Variants in NOTCH1 observed in about 807,000 individuals in gnomAD.
NOTCH1 encodes neurogenic locus notch homolog protein 1.
Under a neutral mutation model 254.8 loss-of-function variants are expected in NOTCH1, and 37 were observed. The observed-to-expected ratio is 0.15, with a 90% confidence interval of 0.11 to 0.19. NOTCH1 has a LOEUF of 0.19. NOTCH1 is among the 10% of genes least tolerant of loss of function. The pLI, the probability that NOTCH1 is intolerant of heterozygous loss-of-function variation, is 1.00. For missense variants in NOTCH1, 2,972 were observed against 3,708.6 expected (o/e 0.80, Z 5.16); for synonymous variants, 1,731 against 1,618.1 (o/e 1.07, Z -1.68).
intron 2 of NOTCH1, among the ~76,000 whole-genome samples, chr9:136,539,444 A>C (rs1450376764): frequency 1.3e-5 from 2 of 152,170 alleles, no homozygotes; most frequent in South Asian, 4.1e-4. Flanking sequence ...GCTGGAGTGC[A>C]GTGGCACGAT....
chr9:136,515,791 G>A, intron 10 of NOTCH1, 75 bp from the exon 11 acceptor site: 2 of 1,398,952 alleles, frequency 1.4e-6, no homozygotes, highest in Non-Finnish European at 1.9e-6. Context: ...CAGACCTGGG[G>A]TCACCTGTGC....
intron 4 of NOTCH1, among the ~76,000 whole-genome samples, chr9:136,521,977 CT>C (rs60668167): frequency 0.012 from 1,698 of 141,024 alleles, 21 homozygotes; most frequent in African/African-American, 0.034. Flanking sequence ...TTTCTCTTCA[CT>C]TTTTTTTTTT....
At position 136,504,547 on chromosome 9, in the gene NOTCH1, G is replaced by C. The variant is rs568642923; in HGVS notation, c.5018+126C>G. 3.7e-6 allele frequency: 4 copies of C among 1,085,252 alleles called. No individual in the cohort carries two copies. In the East Asian group the frequency reaches 1.1e-4, roughly 29 times the overall value. 67.2% of individuals were successfully genotyped at this position (1,085,252 alleles called of 1,614,324 possible). A position where few individuals can be genotyped will look rare whatever the true frequency, so the allele number is the denominator to read the frequency against. On this transcript the variant is annotated intron_variant, in intron 26 of 33. Transcript: ENST00000651671. ...AGTCCCAGGTCCTCTCGGAACCTCC[G>C]TCTCTTTTACCATAAAGTGGGGAGA... is the stretch of plus-strand genomic sequence containing the variant.
chr9:136,496,832 T>G lies in NOTCH1; in HGVS notation c.6907A>C (p.Ser2303Arg). ...ALNFTVGGST[S>R]LNGQCEWLSR... ...AGCCACTCGCATTGACCATTCAAAC[T>G]GGTGGACCCGCCCACAGTGAAATTC... Residue 2303 changes from serine to arginine, a missense_variant, in exon 34 of 34, where the codon AGT becomes CGT. This residue lies in a region of NOTCH1 where 529 missense variants were observed against 529.2 expected (regional missense o/e 1.00). Transcript: ENST00000651671. 6.2e-7 allele frequency: 1 copy of G among 1,612,928 alleles called. No individual in the cohort carries two copies. Among genetic ancestry groups the G allele is most frequent in the Non-Finnish European group, 8.5e-7 (1 of 1,179,996 alleles).
At chr9:136,507,044 CG>C in intron 22 of NOTCH1, 71 bp from the exon 23 acceptor site, 2 of 1,566,120 alleles carry the variant, frequency 1.3e-6, no homozygotes, top group Non-Finnish European at 1.7e-6. Flanking sequence ...GTGTCCGTCC[CG>C]GAAGACGAGC....
chr9:136,504,583 C>T, intron 26 of NOTCH1, 90 bp downstream of exon 26: 6 of 1,337,778 alleles, frequency 4.5e-6, no homozygotes, highest in Non-Finnish European at 5.0e-6. Context: ...GTACTGCTTG[C>T]CATGGCGCCG....
chr9:136,506,923 C>T lies in NOTCH1; in HGVS notation c.3694G>A (p.Val1232Met), dbSNP rs750169914. ...VDDCNPPVDPVSRSPKCFNNG... is the reference protein window; with the variant it reads ...VDDCNPPVDPMSRSPKCFNNG... ...TTAAAGCACTTGGGGCTCCGGGACA[C>T]GGGGTCAACGGGGGGATTGCAGTCG... Residue 1232 changes from valine (V) to methionine (M), a missense_variant, in exon 23 of 34, where the codon GTG becomes ATG. Around this residue, in one of 8 missense-constraint regions of NOTCH1, gnomAD observed 1,343 missense variants for 1,557.0 expected, o/e 0.86. Coordinates refer to ENST00000651671, the MANE Select transcript of NOTCH1 (RefSeq NM_017617.5). The surrounding 1 kb of genome is among the most constrained non-coding windows in gnomAD (Gnocchi z 4.5). 79 of 1,611,236 alleles carry T rather than the reference C, an allele frequency of 4.9e-5. 1 individual carries two copies. The highest frequency in any genetic ancestry group is 2.1e-4 in the South Asian group (19 of 90,858).
At chr9:136,499,311 C>T (rs1383004999) in intron 31 of NOTCH1, 52 bp from the exon 32 acceptor site, 11 of 1,601,138 alleles carry the variant, frequency 6.9e-6, no homozygotes, top group African/African-American at 2.7e-5. Context: ...TACACCGATG[C>T]CTCCTGCCCA....
Position 136,495,007 on chromosome 9 carries a change from C to T in NOTCH1, c.*1064G>A, listed in dbSNP as rs925980783. 1 of 398,950 alleles carries T rather than the reference C, an allele frequency of 2.5e-6. No individual in the cohort carries two copies. Among genetic ancestry groups the T allele is most frequent in the Non-Finnish European group, 4.4e-6 (1 of 226,044 alleles). The allele number at this position is 398,950 out of a possible 1,614,324, so 24.7% of individuals were successfully genotyped here. ...GCGTTGCACAGCTCAATGTGCCCGGCTCTGGCAAGTCTCCTACAAAACACG... is the reference window on the plus strand; with the variant it reads ...GCGTTGCACAGCTCAATGTGCCCGGTTCTGGCAAGTCTCCTACAAAACACG... On this transcript the variant is annotated 3_prime_UTR_variant, in exon 34 of 34. Coordinates refer to ENST00000651671, the MANE Select transcript of NOTCH1 (RefSeq NM_017617.5).
Position 136,522,886 on chromosome 9 carries a change from T to C in NOTCH1, c.706A>G (p.Thr236Ala). ...GCACACTCGTGGGTGACGTCGCCCG[T>C]GGGGCGGCAGGTGCCCCCGTTCTGG... is the stretch of plus-strand genomic sequence containing the variant. ...PCQNGGTCRPTGDVTHECACL... is the reference protein window; with the variant it reads ...PCQNGGTCRPAGDVTHECACL... Residue 236 changes from threonine (T) to alanine (A), a missense_variant, in exon 4 of 34, where the codon ACG becomes GCG. Thr to Ala is a moderately conservative substitution (Grantham distance 58). Around this residue, in one of 8 missense-constraint regions of NOTCH1, gnomAD observed 374 missense variants for 496.3 expected, o/e 0.75. Transcript: ENST00000651671. 6.5e-7 allele frequency: 1 copy of C among 1,530,940 alleles called. No individual in the cohort carries two copies. Among genetic ancestry groups the C allele is most frequent in the Non-Finnish European group, 8.8e-7 (1 of 1,137,346 alleles). The allele number at this position is 1,530,940 out of a possible 1,614,324, so 94.8% of individuals were successfully genotyped here.
At chr9:136,507,674 G>A (rs1246797595) in intron 21 of NOTCH1, among the ~76,000 whole-genome samples, 1 of 152,194 alleles carries the variant, frequency 6.6e-6, no homozygotes, top group Non-Finnish European at 1.5e-5. Context: ...CCATAGGATA[G>A]AGGTGAGGGC....
intron 22 of NOTCH1, 152 bp from the exon 23 acceptor site, chr9:136,507,125 C>T (rs3829116): frequency 6.9e-7 from 1 of 1,449,946 alleles, no homozygotes; most frequent in Non-Finnish European, 9.5e-7. Context: ...ACGCCCTTCC[C>T]ACTGGGACCC....
rs367616792 is a variant in NOTCH1, at chr9:136,517,109, C to T, written c.1555+163G>A. Reference sequence around the variant, plus strand: ...CCACGGCCCTCACCCCTCAGGAGGCCGGGGTGCGGACGGCCCGAGGGCAGG... The same window carrying T: ...CCACGGCCCTCACCCCTCAGGAGGCTGGGGTGCGGACGGCCCGAGGGCAGG... On this transcript the variant is annotated intron_variant, in intron 9 of 33. Transcript: ENST00000651671. Among the ~76,000 whole-genome samples, 16 of 148,072 alleles carry T rather than the reference C, an allele frequency of 1.1e-4. 1 individual carries two copies. The highest frequency in any genetic ancestry group is 7.3e-4 in the Admixed American group (11 of 15,004).
Position 136,507,978 on chromosome 9 carries a change from A to G in NOTCH1, c.3487T>C (p.Tyr1163His). Reference sequence around the variant, plus strand: ...ACCTTGCAGGAGTAGCCGCCCAGGTAGTCCGTGCAGGTGGCCCCGTTCTGG... The same window carrying G: ...ACCTTGCAGGAGTAGCCGCCCAGGTGGTCCGTGCAGGTGGCCCCGTTCTGG... Reference protein sequence around the residue: ...PCQNGATCTDYLGGYSCKCVA... With the variant: ...PCQNGATCTDHLGGYSCKCVA... The change falls in exon 21 of 34, where the codon TAC becomes CAC. Residue 1163 changes from tyrosine (Y) to histidine (H), a missense_variant. Physicochemically the swap from Tyr to His is moderately conservative, Grantham distance 83. This residue lies in a region of NOTCH1 where 1,343 missense variants were observed against 1,557.0 expected (regional missense o/e 0.86). Coordinates refer to ENST00000651671, the MANE Select transcript of NOTCH1 (RefSeq NM_017617.5). The G allele has an allele frequency of 6.2e-7, 1 of 1,612,596 alleles. No individual in the cohort carries two copies. Among genetic ancestry groups the G allele is most frequent in the Non-Finnish European group, 8.5e-7 (1 of 1,179,942 alleles).
chr9:136,514,500 C>T lies in NOTCH1; in HGVS notation c.2207+10G>A, dbSNP rs191892426. 5.4e-3 allele frequency: 8,391 copies of T among 1,562,560 alleles called. 37 individuals carry two copies. Among genetic ancestry groups the T allele is most frequent in the Middle Eastern group, 9.3e-3 (56 of 6,000 alleles). On this transcript the variant is annotated intron_variant, in intron 13 of 33. Transcript: ENST00000651671. ...ACTGATGTGTCCCCATGATCGGCCCCGCCGCATACCCGTTGAGGCTGTCCC... is the reference window on the plus strand; with the variant it reads ...ACTGATGTGTCCCCATGATCGGCCCTGCCGCATACCCGTTGAGGCTGTCCC...
At chr9:136,517,153 C>A in intron 9 of NOTCH1, 119 bp downstream of exon 9, 1 of 675,996 alleles carries the variant, frequency 1.5e-6, no homozygotes. Context: ...GCGGCCCTCA[C>A]CCCTCAGGAG....
At position 136,498,710 on chromosome 9, in the gene NOTCH1, G is replaced by A. The variant is rs3124592; in HGVS notation, c.6180+189C>T. ...CTGCACTTGGAAGGGCTCCATAAAC[G>A]GGGGCTGAAGGAAGGCAGGAGCACT... On this transcript the variant is annotated intron_variant, in intron 33 of 33. Transcript: ENST00000651671. Among the ~76,000 whole-genome samples, 84,606 of 152,082 alleles carry A rather than the reference G, an allele frequency of 0.56. 24,209 individuals are homozygous for A. Among genetic ancestry groups the A allele is most frequent in the East Asian group, 0.94 (4,861 of 5,162 alleles).
At chr9:136,536,973 A>G (rs765632323) in intron 2 of NOTCH1, among the ~76,000 whole-genome samples, 1 of 152,210 alleles carries the variant, frequency 6.6e-6, no homozygotes, top group Non-Finnish European at 1.5e-5. Context: ...GGGATGCTGA[A>G]CAGCTTGGCG....
In NOTCH1 at chr9:136,495,056, C is replaced by T. The variant is rs575244894; in HGVS notation, c.*1015G>A. 5.3e-5 allele frequency: 21 copies of T among 399,036 alleles called. No individual in the cohort carries two copies. Among genetic ancestry groups the T allele is most frequent in the East Asian group, 1.4e-4 (4 of 28,208 alleles). 24.7% of individuals were successfully genotyped at this position (399,036 alleles called of 1,614,324 possible). ...CGGGAGCCCACGGGGGGTCGGGTCC[C>T]GCGAGCTGGGGCCCAGGCTGTGTTG... On this transcript the variant is annotated 3_prime_UTR_variant, in exon 34 of 34. Transcript: ENST00000651671.
Sources: allele counts gnomAD v4.1 joint callset (sites outside exome capture counted in the v4.1 genomes callset), GRCh38; gene constraint gnomAD v4.1.1; regional missense constraint gnomAD v4.1.1; non-coding constraint Gnocchi (gnomAD v3.1); transcripts MANE v1.5; gene names NCBI Gene and HGNC (gene_info 2026-07-23, HGNC 2026-07-21).